HEATR5B: variants seen among roughly 807,000 people sequenced by gnomAD.
HEATR5B encodes HEAT repeat containing 5B.
A neutral mutation model predicts 224.1 loss-of-function variants in HEATR5B; 156 were observed. The ratio of observed to expected loss-of-function variants is 0.70; its 90% CI spans 0.61 to 0.80. The LOEUF is 0.80. Ranked by LOEUF, HEATR5B falls within the 30% of genes least tolerant of loss-of-function variation. HEATR5B has a pLI of 0.00. For synonymous variants in HEATR5B, 1,027 were observed against 893.0 expected (o/e 1.15, Z -2.68); for missense variants, 2,323 against 2,535.5 (o/e 0.92, Z 1.80).
intron 25 of HEATR5B, 52 bp downstream of exon 25, chr2:37,020,603 G>A: frequency 7.3e-7 from 1 of 1,360,706 alleles, no homozygotes; most frequent in South Asian, 1.6e-5. Context: ...CACTTCTTCA[G>A]CAATCTTTCA....
intron 24 of HEATR5B, among the ~76,000 whole-genome samples, chr2:37,024,472 T>A (rs926745510): frequency 7.9e-5 from 12 of 152,242 alleles, no homozygotes; most frequent in African/African-American, 2.7e-4. Flanking sequence ...AATGTATGCA[T>A]ACTTCAAAAC....
chr2:37,015,994 A>T (rs903257021), intron 26 of HEATR5B, among the ~76,000 whole-genome samples: 12 of 152,198 alleles, frequency 7.9e-5, no homozygotes, highest in Non-Finnish European at 1.3e-4. Flanking sequence ...AAAATACCAG[A>T]AAAACAAAAG....
At chr2:37,049,587 G>T in intron 18 of HEATR5B, 66 bp downstream of exon 18, 1 of 1,379,072 alleles carries the variant, frequency 7.3e-7, no homozygotes, top group Non-Finnish European at 1.0e-6. Context: ...ATAAACTCCA[G>T]TTGATTATTA....
At chr2:37,008,924 T>C (rs1230294218) in intron 27 of HEATR5B, 76 bp from the exon 28 acceptor site, 2 of 960,184 alleles carry the variant, frequency 2.1e-6, no homozygotes, top group Non-Finnish European at 3.2e-6. Context: ...ATTATAAAAA[T>C]ACAGTTAAAT....
intron 19 of HEATR5B, among the ~76,000 whole-genome samples, chr2:37,040,751 G>A (rs1669820304): frequency 6.6e-6 from 1 of 151,776 alleles, no homozygotes; most frequent in African/African-American, 2.4e-5. Flanking sequence ...TATTCAAAGG[G>A]TCCACAAGAA....
chr2:36,991,089 A>G (rs894314345), intron 33 of HEATR5B, among the ~76,000 whole-genome samples: 1 of 152,228 alleles, frequency 6.6e-6, no homozygotes, highest in African/African-American at 2.4e-5. Flanking sequence ...AAGAAGTTCA[A>G]TGTATAAAGT....
intron 18 of HEATR5B, among the ~76,000 whole-genome samples, chr2:37,043,047 T>TC (rs1417508522): frequency 1.3e-5 from 2 of 152,110 alleles, no homozygotes; most frequent in African/African-American, 4.8e-5. Flanking sequence ...GCCAACAACA[T>TC]ACATATCTCA....
At chr2:37,005,483 G>GT in intron 30 of HEATR5B, 149 bp downstream of exon 30, 1 of 725,788 alleles carries the variant, frequency 1.4e-6, no homozygotes, top group South Asian at 1.8e-5. Flanking sequence ...CAGAGTAAAA[G>GT]TAACTGGGTG....
Position 37,072,237 on chromosome 2 carries a change from A to G in HEATR5B, c.642T>C (p.Ala214=). ...AGAGAGTGGCTATATTTTCTAGTTC[A>G]GCAGTCCACATAAATACAGCTTCAT... ...LQNEAVFMWT[A]ELENIATLCF... The change falls in exon 6 of 36, where the codon GCT becomes GCC. Residue 214 remains alanine, a synonymous_variant. Coordinates refer to ENST00000233099, the MANE Select transcript of HEATR5B (RefSeq NM_019024.3). The G allele has an allele frequency of 6.2e-7, 1 of 1,613,906 alleles. No homozygotes were observed. The highest frequency in any genetic ancestry group is 8.5e-7 in the Non-Finnish European group (1 of 1,179,812).
Position 37,079,312 on chromosome 2 carries a change from T to C in HEATR5B, c.146A>G (p.Gln49Arg). The C allele has an allele frequency of 3.1e-6, 5 of 1,606,528 alleles. No individual in the cohort carries two copies. Among genetic ancestry groups the C allele is most frequent in the Non-Finnish European group, 4.2e-6 (5 of 1,177,342 alleles). The change falls in exon 3 of 36, where the codon CAG becomes CGG. Residue 49 changes from glutamine to arginine, a missense_variant. By Grantham distance (43) the Gln-to-Arg change is conservative. Coordinates refer to ENST00000233099, the MANE Select transcript of HEATR5B (RefSeq NM_019024.3). Reference protein sequence around the residue: ...AANKTDVKEKQKKLVEQLTGL... With the variant: ...AANKTDVKEKRKKLVEQLTGL... ...AGTTAATTGTTCAACAAGTTTTTTC[T>C]GTTTTTCCTTTACATCGGTCTGTTA...
At chr2:36,982,254 A>G (rs192049945) in intron 35 of HEATR5B, among the ~76,000 whole-genome samples, 1 of 152,068 alleles carries the variant, frequency 6.6e-6, no homozygotes, top group East Asian at 1.9e-4. Context: ...TTCCTATTTC[A>G]TCATCCCCCA....
intron 26 of HEATR5B, 23 bp downstream of exon 26, chr2:37,019,786 C>A: frequency 6.6e-7 from 1 of 1,513,586 alleles, no homozygotes; most frequent in Non-Finnish European, 9.1e-7. Context: ...GACAACTATA[C>A]AAAGTCCCAT....
At chr2:37,070,065 T>C (rs1394212261) in intron 7 of HEATR5B, among the ~76,000 whole-genome samples, 165 bp downstream of exon 7, 1 of 152,068 alleles carries the variant, frequency 6.6e-6, no homozygotes, top group African/African-American at 2.4e-5. Context: ...ACCTGGCTAA[T>C]TTTTTGGTGT....
At chr2:37,015,632 T>A (rs935956893) in intron 26 of HEATR5B, among the ~76,000 whole-genome samples, 1 of 152,170 alleles carries the variant, frequency 6.6e-6, no homozygotes. Flanking sequence ...ATACTACTGC[T>A]TTACGGGGAT....
intron 3 of HEATR5B, among the ~76,000 whole-genome samples, chr2:37,078,164 C>A (rs1672348527): frequency 6.6e-6 from 1 of 152,054 alleles, no homozygotes; most frequent in Admixed American, 6.6e-5. Context: ...CATTCCCGCT[C>A]CAACAAATAA....
At chr2:37,036,154 G>A (rs1186248889) in intron 21 of HEATR5B, among the ~76,000 whole-genome samples, 1 of 152,078 alleles carries the variant, frequency 6.6e-6, no homozygotes, top group African/African-American at 2.4e-5. Flanking sequence ...CATGCAGCAA[G>A]AACAAAATGT....
At chr2:37,014,851 C>T (rs1057091004) in intron 26 of HEATR5B, among the ~76,000 whole-genome samples, 16 of 151,826 alleles carry the variant, frequency 1.1e-4, no homozygotes, top group Non-Finnish European at 7.4e-5. Context: ...GGCATGGTGG[C>T]GTGTGTCTGT....
intron 29 of HEATR5B, 65 bp from the exon 30 acceptor site, chr2:37,005,824 T>C (rs575150790): frequency 5.5e-6 from 7 of 1,270,756 alleles, no homozygotes; most frequent in Middle Eastern, 4.2e-4. Flanking sequence ...TTTGATCCCA[T>C]ATTTCTTCTC....
intron 35 of HEATR5B, among the ~76,000 whole-genome samples, chr2:36,986,863 T>G (rs1665982493): frequency 6.6e-6 from 1 of 152,062 alleles, no homozygotes; most frequent in South Asian, 2.1e-4. Context: ...ATGATCTGCC[T>G]GCCTTGGCCT....
Sources: allele counts gnomAD v4.1 joint callset (sites outside exome capture counted in the v4.1 genomes callset), GRCh38; gene constraint gnomAD v4.1.1; transcripts MANE v1.5; gene names NCBI Gene and HGNC (gene_info 2026-07-23, HGNC 2026-07-21).